Variants in N4BP2L2 observed in about 807,000 individuals in gnomAD.
The protein encoded by N4BP2L2 is NEDD4 binding protein 2 like 2.
Under a neutral mutation model 56.2 loss-of-function variants are expected in N4BP2L2, and 50 were observed. The observed-to-expected ratio is 0.89, with a 90% CI of 0.71 to 1.13. The LOEUF is 1.13. Ranked by LOEUF, N4BP2L2 falls within the 50% of genes most tolerant of loss-of-function variation. The pLI is 0.00. For synonymous variants in N4BP2L2, 203 were observed against 223.6 expected (o/e 0.91, Z 0.82); for missense variants, 689 against 693.8 (o/e 0.99, Z 0.08).
intron 2 of N4BP2L2, among the ~76,000 whole-genome samples, chr13:32,535,063 C>T (rs957062248): frequency 6.6e-6 from 1 of 152,202 alleles, no homozygotes; most frequent in Non-Finnish European, 1.5e-5. Context: ...TTCTGCCAAT[C>T]AATGGTATGA....
At chr13:32,438,939 T>C (rs978669062) in intron 7 of N4BP2L2, among the ~76,000 whole-genome samples, 1 of 152,270 alleles carries the variant, frequency 6.6e-6, no homozygotes, top group Non-Finnish European at 1.5e-5. Flanking sequence ...TAGGATTCAT[T>C]TGAGTTCTTG....
At chr13:32,501,095 C>T (rs906046154) in intron 6 of N4BP2L2, among the ~76,000 whole-genome samples, 1 of 152,042 alleles carries the variant, frequency 6.6e-6, no homozygotes, top group Non-Finnish European at 1.5e-5. Context: ...CTTGAACTCC[C>T]GACCTCAAGT....
At chr13:32,517,547 C>T (rs2049507493) in exon 6 of N4BP2L2, 1 of 1,202,776 alleles carries the variant, frequency 8.3e-7, no homozygotes, top group Non-Finnish European at 1.0e-6. Flanking sequence ...TAGCTCCTAC[C>T]CACCACTCTA....
chr13:32,442,906 T>G, exon 7 of N4BP2L2: 5 of 1,611,552 alleles, frequency 3.1e-6, no homozygotes, highest in Non-Finnish European at 3.4e-6. Flanking sequence ...TTTTTGTTTA[T>G]TCTCCTCTTC....
At chr13:32,506,674 A>G (rs1347903386), downstream of N4BP2L2, 1 of 152,234 alleles carries the variant, frequency 6.6e-6, no homozygotes, top group Non-Finnish European at 1.5e-5. Flanking sequence ...TCTGAAGGAC[A>G]AGAACGGAAG....
rs192764911 is a variant in N4BP2L2, at chr13:32,462,761, T to C, written c.366-18635A>G. Among the ~76,000 whole-genome samples the C allele has an allele frequency of 6.3e-3, 936 of 148,692 alleles. 34 individuals carry two copies. The highest frequency in any genetic ancestry group is 0.059 in the Admixed American group (856 of 14,524). On this transcript the variant is annotated intron_variant, in intron 6 of 9. Transcript: ENST00000357505. ...ACAAATATTGGCCAGTGCAGTGGCT[T>C]ACACCTGTAATCCCAGCACTTTGGG... is the stretch of plus-strand genomic sequence containing the variant.
At chr13:32,518,997 T>C (rs1302011506) in intron 5 of N4BP2L2, among the ~76,000 whole-genome samples, 1 of 152,140 alleles carries the variant, frequency 6.6e-6, no homozygotes, top group Non-Finnish European at 1.5e-5. Context: ...TTTACATTTA[T>C]CATTCTAGAT....
chr13:32,478,369 G>A (rs551439840), intron 6 of N4BP2L2: 6 of 217,688 alleles, frequency 2.8e-5, no homozygotes, highest in African/African-American at 1.1e-4. Context: ...TGTTATCTGT[G>A]TGCCACACTG....
At chr13:32,462,247 A>G (rs1185247880) in intron 6 of N4BP2L2, among the ~76,000 whole-genome samples, 1 of 152,238 alleles carries the variant, frequency 6.6e-6, no homozygotes, top group South Asian at 2.1e-4. Context: ...TACACAATGA[A>G]ATACTACTTG....
chr13:32,536,529 C>G, exon 2 of N4BP2L2: 1 of 1,613,884 alleles, frequency 6.2e-7, no homozygotes, highest in Non-Finnish European at 8.5e-7. Flanking sequence ...TTGTCAATCT[C>G]TGATTTTTCA....
chr13:32,445,007 G>A (rs893906351), intron 6 of N4BP2L2, among the ~76,000 whole-genome samples: 2 of 152,192 alleles, frequency 1.3e-5, no homozygotes, highest in Non-Finnish European at 2.9e-5. Flanking sequence ...CCACGACTTT[G>A]GGAAGCTGAG....
chr13:32,507,008 T>C (rs2091065740), downstream of N4BP2L2: 1 of 152,132 alleles, frequency 6.6e-6, no homozygotes, highest in Non-Finnish European at 1.5e-5. Flanking sequence ...TGGGTATTAA[T>C]TATATAGATA....
At chr13:32,460,784 T>A (rs2138687801) in intron 6 of N4BP2L2, among the ~76,000 whole-genome samples, 1 of 151,786 alleles carries the variant, frequency 6.6e-6, no homozygotes, top group South Asian at 2.1e-4. Context: ...GCCAAAGCAA[T>A]CCTGAGCAAA....
intron 6 of N4BP2L2, among the ~76,000 whole-genome samples, chr13:32,472,445 A>G (rs2082489068): frequency 6.6e-6 from 1 of 152,156 alleles, no homozygotes; most frequent in East Asian, 1.9e-4. Flanking sequence ...GCCACTGGTA[A>G]GCATGAAGAA....
intron 5 of N4BP2L2, among the ~76,000 whole-genome samples, chr13:32,521,135 G>A (rs1723680576): frequency 6.6e-6 from 1 of 152,118 alleles, no homozygotes. Flanking sequence ...AGATAGAAAA[G>A]TGGGAGCAAC....
At chr13:32,519,524 C>G (rs1440075029) in intron 5 of N4BP2L2, among the ~76,000 whole-genome samples, 2 of 152,072 alleles carry the variant, frequency 1.3e-5, no homozygotes, top group Non-Finnish European at 2.9e-5. Flanking sequence ...GGCGTAGTGG[C>G]AGGTGCCTGT....
At chr13:32,504,605 T>C (rs207629) in intron 6 of N4BP2L2, 105,648 of 152,042 alleles carry the variant, frequency 0.69, 37,120 homozygotes, top group Non-Finnish European at 0.75. Flanking sequence ...CAATTCAACC[T>C]CTAAAATTCT....
chr13:32,526,020 T>C (rs1188810691), intron 3 of N4BP2L2, among the ~76,000 whole-genome samples: 1 of 121,506 alleles, frequency 8.2e-6, no homozygotes. Flanking sequence ...CAACCAAATA[T>C]CTGCTTGCCA....
intron 6 of N4BP2L2, among the ~76,000 whole-genome samples, chr13:32,466,487 A>G (rs1230523874): frequency 5.3e-5 from 8 of 152,132 alleles, no homozygotes. Flanking sequence ...GAATCCCTTG[A>G]ACCCAGGAGG....
Sources: gnomAD v4.1 joint callset for allele counts (sites outside exome capture counted in the v4.1 genomes callset) on GRCh38, gnomAD v4.1.1 for gene constraint, MANE v1.5 for transcripts, NCBI Gene and HGNC (gene_info 2026-07-23, HGNC 2026-07-21) for gene names.